The following AGBL4 variants were observed in gnomAD, a reference collection of about 807,000 sequenced individuals.
AGBL4 encodes the protein cytosolic carboxypeptidase 6.
Under a neutral mutation model 66.4 loss-of-function variants are expected in AGBL4, and 58 were observed. The ratio of observed to expected loss-of-function variants is 0.87; its 90% confidence interval spans 0.71 to 1.09. AGBL4 has a LOEUF of 1.09. AGBL4 is among the 50% of genes least tolerant of loss of function. The probability of loss-of-function intolerance (pLI) is 0.00; values close to 1 mark genes in which losing one functional copy is unlikely to be tolerated. For missense variants in AGBL4, 579 were observed against 631.0 expected (o/e 0.92, Z 0.88); for synonymous variants, 234 against 222.9 (o/e 1.05, Z -0.44).
At chr1:50,020,635 A>C (rs1332810471) in intron 1 of AGBL4, among the ~76,000 whole-genome samples, 1 of 152,188 alleles carries the variant, frequency 6.6e-6, no homozygotes, top group East Asian at 1.9e-4. Flanking sequence ...AAAGCCAAAT[A>C]ATGAATCTGG....
At position 49,045,542 on chromosome 1, in the gene AGBL4, C is replaced by A. The variant is rs756298012; in HGVS notation, c.594+42G>T. 8 of 1,563,188 alleles carry A rather than the reference C, an allele frequency of 5.1e-6. No homozygotes were observed. The South Asian group carries it at 9.3e-5, about 18-fold the overall frequency. The stretch of plus-strand genomic sequence containing the variant: ...GTGTTAAGTCCCTATCCCAAGTTTG[C>A]CTGTTTCCAAATGAGTAACCCAAAC... On this transcript the variant is annotated intron_variant, in intron 5 of 13. Coordinates refer to ENST00000371839, the MANE Select transcript of AGBL4 (RefSeq NM_032785.4).
intron 1 of AGBL4, among the ~76,000 whole-genome samples, chr1:50,019,183 C>T (rs1162144759): frequency 6.6e-6 from 1 of 151,694 alleles, no homozygotes; most frequent in African/African-American, 2.4e-5. Context: ...GCATCCATAC[C>T]TGCCAGATAA....
intron 3 of AGBL4, among the ~76,000 whole-genome samples, chr1:49,562,901 G>T (rs889922970): frequency 7.2e-5 from 11 of 152,104 alleles, no homozygotes; most frequent in African/African-American, 2.4e-4. Flanking sequence ...ACCTTGGGCA[G>T]TATGGCCATT....
chr1:49,004,342 G>A (rs534920600), intron 5 of AGBL4, among the ~76,000 whole-genome samples: 2 of 152,270 alleles, frequency 1.3e-5, no homozygotes, highest in South Asian at 4.1e-4. Flanking sequence ...TGAGGATTAC[G>A]TATGGCATTA....
chr1:48,759,431 C>G, intron 6 of AGBL4: 1 of 1,323,512 alleles, frequency 7.6e-7, no homozygotes, highest in Non-Finnish European at 9.9e-7. Flanking sequence ...TAGTCAAAGC[C>G]CTTCATTTTA....
At chr1:49,259,342 AT>A (rs1174735261) in intron 3 of AGBL4, among the ~76,000 whole-genome samples, 2 of 152,174 alleles carry the variant, frequency 1.3e-5, no homozygotes, top group African/African-American at 4.8e-5. Flanking sequence ...AAATGCTCCA[AT>A]TAAAAGACAC....
intron 6 of AGBL4, among the ~76,000 whole-genome samples, chr1:48,679,167 T>G (rs749510212): frequency 1.4e-4 from 21 of 152,224 alleles, no homozygotes; most frequent in Admixed American, 3.9e-4. Flanking sequence ...GGGCTTCTGA[T>G]TTTAGGGTAA....
At chr1:48,610,282 T>C (rs1447147531) in intron 9 of AGBL4, among the ~76,000 whole-genome samples, 1 of 152,196 alleles carries the variant, frequency 6.6e-6, no homozygotes, top group Non-Finnish European at 1.5e-5. Context: ...TCCCCAGTGC[T>C]CAGTGCCTAA....
intron 1 of AGBL4, among the ~76,000 whole-genome samples, chr1:49,878,101 A>G (rs1170647291): frequency 6.7e-6 from 1 of 149,336 alleles, no homozygotes; most frequent in Non-Finnish European, 1.5e-5. Flanking sequence ...TGATCCTTTC[A>G]AAAAACCAGC....
intron 3 of AGBL4, among the ~76,000 whole-genome samples, chr1:49,460,948 G>C (rs1323306591): frequency 6.6e-6 from 1 of 151,668 alleles, no homozygotes; most frequent in Non-Finnish European, 1.5e-5. Context: ...AGTTTGCAGG[G>C]TTTCTGCTGA....
At chr1:48,647,553 G>T (rs1645856879) in intron 8 of AGBL4, 1 of 435,526 alleles carries the variant, frequency 2.3e-6, no homozygotes, top group Non-Finnish European at 4.6e-6. Context: ...TTATTCAAAG[G>T]TCTATGACTG....
At chr1:49,844,335 T>G (rs1243520092) in intron 2 of AGBL4, among the ~76,000 whole-genome samples, 1 of 152,190 alleles carries the variant, frequency 6.6e-6, no homozygotes, top group Non-Finnish European at 1.5e-5. Context: ...CCAGTGCATC[T>G]GTGCATCTGA....
intron 3 of AGBL4, among the ~76,000 whole-genome samples, chr1:49,308,468 C>T (rs1395096140): frequency 6.6e-6 from 1 of 151,754 alleles, no homozygotes; most frequent in African/African-American, 2.4e-5. Flanking sequence ...GTCAGGGTGA[C>T]CTTAGAAGAT....
At chr1:49,391,737 A>G (rs1644854774) in intron 3 of AGBL4, among the ~76,000 whole-genome samples, 1 of 151,552 alleles carries the variant, frequency 6.6e-6, no homozygotes, top group South Asian at 2.1e-4. Flanking sequence ...AATTTTTTGT[A>G]TTTTTAGTGG....
intron 3 of AGBL4, among the ~76,000 whole-genome samples, chr1:49,398,362 TCTCTCG>T (rs1204556280): frequency 7.6e-6 from 1 of 131,024 alleles, no homozygotes; most frequent in East Asian, 2.0e-4. Flanking sequence ...TCTCTCTCTC[TCTCTCG>T]CTCCTGATTT....
chr1:48,756,933 C>T (rs564510948), intron 6 of AGBL4, among the ~76,000 whole-genome samples: 34 of 152,328 alleles, frequency 2.2e-4, no homozygotes, highest in East Asian at 1.4e-3. Flanking sequence ...CAATGGCCTT[C>T]AAGGCCTGTG....
At chr1:49,066,214 T>C (rs1018252139) in intron 4 of AGBL4, among the ~76,000 whole-genome samples, 1 of 152,192 alleles carries the variant, frequency 6.6e-6, no homozygotes, top group African/African-American at 2.4e-5. Context: ...CAGTGGTTCC[T>C]GTTCTTCTGG....
At chr1:49,286,063 C>G (rs181312730) in intron 3 of AGBL4, among the ~76,000 whole-genome samples, 23 of 152,284 alleles carry the variant, frequency 1.5e-4, no homozygotes, top group Admixed American at 7.2e-4. Flanking sequence ...TCAATATACA[C>G]AAATCATAAA....
chr1:49,862,816 G>A (rs1646606603), intron 1 of AGBL4, among the ~76,000 whole-genome samples: 1 of 152,078 alleles, frequency 6.6e-6, no homozygotes, highest in Non-Finnish European at 1.5e-5. Context: ...AAATATGGAG[G>A]ATAAATAAAG....
Sources: allele counts gnomAD v4.1 joint callset (sites outside exome capture counted in the v4.1 genomes callset), GRCh38; gene constraint gnomAD v4.1.1; transcripts MANE v1.5; gene names NCBI Gene and HGNC (gene_info 2026-07-23, HGNC 2026-07-21).